The following TIRAP variants were observed in gnomAD, a reference collection of about 807,000 sequenced individuals.
The protein encoded by TIRAP is TIR domain containing adaptor protein, also known as toll/interleukin-1 receptor domain-containing adapter protein.
A neutral mutation model predicts 19.8 loss-of-function variants in TIRAP; 20 were observed. That is an observed-to-expected ratio of 1.01 (90% CI 0.71 to 1.47). TIRAP has a LOEUF of 1.47. TIRAP is among the 40% of genes most tolerant of loss of function. TIRAP has a pLI of 0.00. For synonymous variants in TIRAP, 125 were observed against 121.7 expected (o/e 1.03, Z -0.18); for missense variants, 276 against 285.1 (o/e 0.97, Z 0.23).
chr11:126,291,804 C>T lies in TIRAP; in HGVS notation c.68-673C>T, dbSNP rs1951392382. On this transcript the variant is annotated intron_variant, in intron 3 of 4. Transcript: ENST00000392679. This position sits in a 1 kb window ranked among gnomAD's most constrained non-coding sequence, Gnocchi z 5.6. The stretch of plus-strand genomic sequence containing the variant: ...TAACGTAGCTCTGCCTGCAGACTCC[C>T]GGTGGTTGACTAGTCAGCTCTAGTG... Among the ~76,000 whole-genome samples the T allele has an allele frequency of 2.0e-5, 3 of 151,910 alleles. No homozygotes were observed. The highest frequency in any genetic ancestry group is 4.2e-4 in the South Asian group (2 of 4,818).
intron 1 of TIRAP, chr11:126,289,622 A>G (rs1951358498): frequency 1.0e-6 from 1 of 982,724 alleles, no homozygotes; most frequent in Non-Finnish European, 1.2e-6. Flanking sequence ...GTGTCTAATA[A>G]TACTTGCTTC....
chr11:126,290,868 C>A lies in TIRAP; in HGVS notation c.-27C>A. The A allele has an allele frequency of 1.9e-6, 3 of 1,591,914 alleles. No individual in the cohort carries two copies. The highest frequency in any genetic ancestry group is 2.6e-6 in the Non-Finnish European group (3 of 1,167,446). The stretch of plus-strand genomic sequence containing the variant: ...CTCCCCCTTCACCAATGCCTGGTCT[C>A]ACGGGGCTAGTTTTGACCCCCACGC... On this transcript the variant is annotated 5_prime_UTR_variant, in exon 3 of 5. Coordinates refer to ENST00000392679, the MANE Select transcript of TIRAP (RefSeq NM_001318777.2). The surrounding 1 kb of genome is among the most constrained non-coding windows in gnomAD (Gnocchi z 4.9).
Position 126,291,147 on chromosome 11 carries a change from G to C in TIRAP, c.67+186G>C. On this transcript the variant is annotated intron_variant, in intron 3 of 4. Transcript: ENST00000392679. The surrounding 1 kb of genome is among the most constrained non-coding windows in gnomAD (Gnocchi z 5.6). Reference sequence around the variant, plus strand: ...GAGTGAGGAGGGGAGGCCTGCGTCAGCTCAGCCAGATCTTTATCCTTTTGG... The same window carrying C: ...GAGTGAGGAGGGGAGGCCTGCGTCACCTCAGCCAGATCTTTATCCTTTTGG... 2.7e-6 allele frequency: 2 copies of C among 735,968 alleles called. No homozygotes were observed. Among genetic ancestry groups the C allele is most frequent in the Non-Finnish European group, 4.3e-6 (2 of 461,366 alleles). 45.6% of individuals were successfully genotyped at this position (735,968 alleles called of 1,614,324 possible).
At chr11:126,286,568 GA>G (rs1467969444) in intron 1 of TIRAP, among the ~76,000 whole-genome samples, 1 of 152,188 alleles carries the variant, frequency 6.6e-6, no homozygotes, top group African/African-American at 2.4e-5. Flanking sequence ...AAGTGTTTGA[GA>G]ACAAAACAGC....
rs1951383374 is a variant in TIRAP at position 126,291,400 on chromosome 11, C to T, written c.67+439C>T. The T allele has an allele frequency of 3.1e-6, 4 of 1,310,288 alleles. No homozygotes were observed. The highest frequency in any genetic ancestry group is 4.0e-6 in the Non-Finnish European group (4 of 992,818). The allele number at this position is 1,310,288 out of a possible 1,614,324, so 81.2% of individuals were successfully genotyped here. A position where few individuals can be genotyped will look rare whatever the true frequency, so the allele number is the denominator to read the frequency against. ...TGGAGTCCCATACTCCAAACACAGACCTGAGCAGTGTTTCTCCCCCACAGA... is the reference window on the plus strand; with the variant it reads ...TGGAGTCCCATACTCCAAACACAGATCTGAGCAGTGTTTCTCCCCCACAGA... On this transcript the variant is annotated intron_variant, in intron 3 of 4. Coordinates refer to ENST00000392679, the MANE Select transcript of TIRAP (RefSeq NM_001318777.2). This position sits in a 1 kb window ranked among gnomAD's most constrained non-coding sequence, Gnocchi z 5.6.
In TIRAP at chr11:126,291,677, C is replaced by T; in HGVS notation, c.67+716C>T. On this transcript the variant is annotated intron_variant, in intron 3 of 4. Transcript: ENST00000392679. The surrounding 1 kb of genome is among the most constrained non-coding windows in gnomAD (Gnocchi z 5.6). Reference sequence around the variant, plus strand: ...TCTTGGGGCCAAACAGATGCCAGTCCTCCGTACCCCTTCCTTCCTGTATAC... The same window carrying T: ...TCTTGGGGCCAAACAGATGCCAGTCTTCCGTACCCCTTCCTTCCTGTATAC... The T allele has an allele frequency of 2.6e-6, 1 of 390,480 alleles. No individual in the cohort carries two copies. Among genetic ancestry groups the T allele is most frequent in the Non-Finnish European group, 5.2e-6 (1 of 193,620 alleles). 24.2% of individuals were successfully genotyped at this position (390,480 alleles called of 1,614,324 possible).
chr11:126,294,749 T>A lies in TIRAP; in HGVS notation c.*1062T>A, dbSNP rs181355081. The A allele has an allele frequency of 5.7e-5, 17 of 296,678 alleles. No individual in the cohort carries two copies. The East Asian group carries it at 1.1e-3, about 19-fold the overall frequency. The allele number at this position is 296,678 out of a possible 1,614,324, so 18.4% of individuals were successfully genotyped here. ...GACCCCTCTTTTGCTGAAAAAAATT[T>A]TTATTATTTTTTCTATCTCTAGTTC... On this transcript the variant is annotated 3_prime_UTR_variant, in exon 5 of 5. Coordinates refer to ENST00000392679, the MANE Select transcript of TIRAP (RefSeq NM_001318777.2).
At position 126,293,028 on chromosome 11, in the gene TIRAP, C is replaced by T. The variant is rs747681363; in HGVS notation, c.619C>T (p.Arg207Cys). 15 of 1,614,010 alleles carry T rather than the reference C, an allele frequency of 9.3e-6. No individual in the cohort carries two copies. Among genetic ancestry groups the T allele is most frequent in the East Asian group, 6.7e-5 (3 of 44,898 alleles). ...VDGRGPDGGF[R>C]QVKEAVMRYL... is the part of the protein sequence containing the mutation. ...TGGCAGGGGCCCTGATGGTGGCTTT[C>T]GTCAAGTCAAAGAAGCTGTCATGCG... is the stretch of plus-strand genomic sequence containing the variant. Residue 207 changes from arginine to cysteine, a missense_variant, in exon 4 of 5, where the codon CGT becomes TGT. Physicochemically the swap from Arg to Cys is radical, Grantham distance 180. Transcript: ENST00000392679.
At chr11:126,293,629 T>C (rs916119429) in intron 4 of TIRAP, 39 bp from the exon 5 acceptor site, 1 of 1,611,040 alleles carries the variant, frequency 6.2e-7, no homozygotes, top group Non-Finnish European at 8.5e-7. Flanking sequence ...AGATGCTGGG[T>C]TTGGGAGGTG....
intron 3 of TIRAP, 137 bp from the exon 4 acceptor site, chr11:126,292,340 G>A: frequency 1.2e-6 from 1 of 820,766 alleles, no homozygotes; most frequent in Non-Finnish European, 1.9e-6. Flanking sequence ...ACAGGTCTCT[G>A]AGAATAAGAT....
In TIRAP at chr11:126,291,212, C is replaced by T; in HGVS notation, c.67+251C>T. ...AGGCCTGCTCAGCTAGCTTTCCTAG[C>T]CTGGAAACCACTGTGCTGAGTGCTT... On this transcript the variant is annotated intron_variant, in intron 3 of 4. Coordinates refer to ENST00000392679, the MANE Select transcript of TIRAP (RefSeq NM_001318777.2). The surrounding 1 kb of genome is among the most constrained non-coding windows in gnomAD (Gnocchi z 5.6). The T allele has an allele frequency of 1.5e-5, 9 of 605,356 alleles. No homozygotes were observed. The South Asian group carries it at 1.8e-4, about 12-fold the overall frequency. 37.5% of individuals were successfully genotyped at this position (605,356 alleles called of 1,614,324 possible).
chr11:126,285,243 GTATA>G (rs1555068788), intron 1 of TIRAP, among the ~76,000 whole-genome samples: 1 of 106,970 alleles, frequency 9.3e-6, no homozygotes, highest in African/African-American at 3.5e-5. Flanking sequence ...GTGTGTGTGT[GTATA>G]TATATATATA....
At chr11:126,285,528 G>A (rs1017023522) in intron 1 of TIRAP, among the ~76,000 whole-genome samples, 10 of 151,692 alleles carry the variant, frequency 6.6e-5, no homozygotes, top group South Asian at 2.1e-4. Context: ...CCAAAGTGCC[G>A]GGATTACAGG....
Position 126,287,250 on chromosome 11 carries a change from C to T in TIRAP, c.-216-3212C>T, listed in dbSNP as rs1344805232. 6.6e-6 allele frequency among the ~76,000 whole-genome samples: 1 copy of T among 152,152 alleles called. No homozygotes were observed. Among genetic ancestry groups the T allele is most frequent in the African/African-American group, 2.4e-5 (1 of 41,428 alleles). On this transcript the variant is annotated intron_variant, in intron 1 of 4. Transcript: ENST00000392679. The surrounding 1 kb of genome is among the most constrained non-coding windows in gnomAD (Gnocchi z 4.2). ...TATTCTAATTATATGCCTTCACAGG[C>T]TCCAGTACATTCCCTATATAATAGA...
chr11:126,292,736 C>T lies in TIRAP; in HGVS notation c.327C>T (p.Gly109=). The change falls in exon 4 of 5, where the codon GGC becomes GGT. Residue 109 remains glycine, a synonymous_variant. Transcript: ENST00000392679. ...AGGACCTGGTCTCCTACTTGGAAGGCAGCACTGCCAGCCTGCGCTGCTTCC... is the reference window on the plus strand; with the variant it reads ...AGGACCTGGTCTCCTACTTGGAAGGTAGCACTGCCAGCCTGCGCTGCTTCC... ...AAQDLVSYLE[G]STASLRCFLQ... 6.2e-7 allele frequency: 1 copy of T among 1,613,234 alleles called. No homozygotes were observed. Among genetic ancestry groups the T allele is most frequent in the Non-Finnish European group, 8.5e-7 (1 of 1,179,728 alleles).
At chr11:126,283,177 G>A in intron 1 of TIRAP, 24 bp downstream of exon 1, 11 of 978,868 alleles carry the variant, frequency 1.1e-5, no homozygotes, top group Non-Finnish European at 1.3e-5. Context: ...GGGGTCGCGG[G>A]GGACCGGGAG....
intron 1 of TIRAP, chr11:126,289,695 G>T: frequency 1.0e-6 from 1 of 985,466 alleles, no homozygotes; most frequent in South Asian, 4.7e-5. Flanking sequence ...CCCTGTGCCA[G>T]TTGCTCTGCC....
At chr11:126,284,853 C>CAA (rs34033281) in intron 1 of TIRAP, among the ~76,000 whole-genome samples, 23 of 119,276 alleles carry the variant, frequency 1.9e-4, no homozygotes, top group South Asian at 1.6e-3. Flanking sequence ...GACTCCGTCT[C>CAA]AAAAAAAAAA....
intron 1 of TIRAP, among the ~76,000 whole-genome samples, chr11:126,283,525 CTCTTCGGGTTGTCATTGTGG>C (rs1951280880): frequency 6.6e-6 from 1 of 152,230 alleles, no homozygotes; most frequent in African/African-American, 2.4e-5. Flanking sequence ...TCTTCCTCTG[CTCTTCGGGTTGTCATTGTGG>C]CAGTGATTCA....
Sources: allele counts gnomAD v4.1 joint callset (sites outside exome capture counted in the v4.1 genomes callset), GRCh38; gene constraint gnomAD v4.1.1; non-coding constraint Gnocchi (gnomAD v3.1); transcripts MANE v1.5; gene names NCBI Gene and HGNC (gene_info 2026-07-23, HGNC 2026-07-21).